Variants in CNTNAP5 observed in about 807,000 individuals in gnomAD.
The protein encoded by CNTNAP5 is contactin associated protein family member 5.
In CNTNAP5, 72 loss-of-function variants were observed where a neutral mutation model predicts 150.2. The observed-to-expected ratio is 0.48, with a 90% confidence interval of 0.40 to 0.58. The LOEUF (loss-of-function observed/expected upper bound fraction) is 0.58. Among genes scored for constraint, CNTNAP5 ranks in the 20% least tolerant of loss-of-function variants. The pLI, the probability that CNTNAP5 is intolerant of heterozygous loss-of-function variation, is 0.00. For missense variants in CNTNAP5, 1,636 were observed against 1,626.2 expected (o/e 1.01, Z -0.10); for synonymous variants, 672 against 619.8 (o/e 1.08, Z -1.25).
chr2:124,891,969 T>C (rs1678204204), intron 21 of CNTNAP5, among the ~76,000 whole-genome samples: 1 of 152,084 alleles, frequency 6.6e-6, no homozygotes, highest in Non-Finnish European at 1.5e-5. Context: ...TTCTTCTCCC[T>C]GGAACATAGG....
intron 1 of CNTNAP5, among the ~76,000 whole-genome samples, chr2:124,125,189 G>T (rs1683659517): frequency 6.6e-6 from 1 of 152,030 alleles, no homozygotes; most frequent in Admixed American, 6.6e-5. Flanking sequence ...AGAGGCACAT[G>T]TAGGCTCAAA....
chr2:124,598,702 C>G (rs1573486509), intron 11 of CNTNAP5, among the ~76,000 whole-genome samples: 1 of 151,766 alleles, frequency 6.6e-6, no homozygotes, highest in Non-Finnish European at 1.5e-5. Flanking sequence ...GCTTTGTTTA[C>G]CTAATCAAGC....
chr2:124,663,771 G>A (rs1169545091), intron 13 of CNTNAP5, among the ~76,000 whole-genome samples: 1 of 152,088 alleles, frequency 6.6e-6, no homozygotes, highest in African/African-American at 2.4e-5. Context: ...CATACATTAT[G>A]ATGCTGAAAA....
chr2:124,209,582 T>A (rs1162721733), intron 1 of CNTNAP5, among the ~76,000 whole-genome samples: 1 of 152,174 alleles, frequency 6.6e-6, no homozygotes, highest in African/African-American at 2.4e-5. Flanking sequence ...CTATTCCGAT[T>A]TCTTAGTCTT....
intron 19 of CNTNAP5, among the ~76,000 whole-genome samples, chr2:124,863,642 C>T (rs1464906258): frequency 6.6e-6 from 1 of 152,068 alleles, no homozygotes; most frequent in South Asian, 2.1e-4. Context: ...CTATGAGTAG[C>T]AACTTATATT....
At chr2:124,681,109 A>C (rs55960516) in intron 13 of CNTNAP5, among the ~76,000 whole-genome samples, 39,839 of 150,550 alleles carry the variant, frequency 0.26, 6,145 homozygotes, top group Non-Finnish European at 0.34. Context: ...ACATAGTGAA[A>C]CCTCATCTCT....
chr2:124,716,193 T>C (rs905716597), intron 13 of CNTNAP5, among the ~76,000 whole-genome samples: 11 of 152,130 alleles, frequency 7.2e-5, no homozygotes, highest in African/African-American at 2.7e-4. Flanking sequence ...AAATGATTCG[T>C]GCAAAGTAAA....
At chr2:124,909,316 G>A (rs1292341336) in intron 22 of CNTNAP5, among the ~76,000 whole-genome samples, 1 of 152,162 alleles carries the variant, frequency 6.6e-6, no homozygotes, top group African/African-American at 2.4e-5. Context: ...ATTCACTACA[G>A]CAACATGCTA....
intron 1 of CNTNAP5, among the ~76,000 whole-genome samples, chr2:124,188,538 A>G (rs989700482): frequency 6.6e-6 from 1 of 151,782 alleles, no homozygotes; most frequent in Non-Finnish European, 1.5e-5. Flanking sequence ...GTGAACATGG[A>G]GAAACCCCGT....
chr2:124,593,055 A>G (rs992739559), intron 11 of CNTNAP5, among the ~76,000 whole-genome samples: 1 of 151,458 alleles, frequency 6.6e-6, no homozygotes, highest in Non-Finnish European at 1.5e-5. Flanking sequence ...TAATTTACAT[A>G]GAAATTCAGC....
chr2:124,753,616 G>T (rs1338054635), intron 14 of CNTNAP5, among the ~76,000 whole-genome samples: 1 of 152,204 alleles, frequency 6.6e-6, no homozygotes, highest in South Asian at 2.1e-4. Context: ...TATATTCCAG[G>T]TTTATTCATG....
chr2:124,724,478 G>A (rs987154285), intron 13 of CNTNAP5, among the ~76,000 whole-genome samples: 31 of 152,070 alleles, frequency 2.0e-4, no homozygotes, highest in African/African-American at 7.5e-4. Context: ...AAGATACCAA[G>A]TTAAAGATAA....
At chr2:124,470,828 T>A (rs1234144239) in intron 6 of CNTNAP5, among the ~76,000 whole-genome samples, 1 of 152,038 alleles carries the variant, frequency 6.6e-6, no homozygotes, top group East Asian at 1.9e-4. Context: ...ATAGGGAATC[T>A]TTTTCCCATT....
intron 1 of CNTNAP5, among the ~76,000 whole-genome samples, chr2:124,102,643 G>C (rs1002483927): frequency 1.3e-5 from 2 of 152,094 alleles, no homozygotes; most frequent in African/African-American, 4.8e-5. Flanking sequence ...AATAAGCCCC[G>C]TGCTCCAGTT....
intron 3 of CNTNAP5, among the ~76,000 whole-genome samples, chr2:124,392,802 C>T (rs1197154173): frequency 7.7e-6 from 1 of 129,140 alleles, no homozygotes; most frequent in Admixed American, 7.7e-5. Flanking sequence ...AACACAAAAA[C>T]AAGCTTTGGT....
chr2:124,351,216 C>A (rs576007280), intron 3 of CNTNAP5, among the ~76,000 whole-genome samples: 1 of 152,302 alleles, frequency 6.6e-6, no homozygotes, highest in Non-Finnish European at 1.5e-5. Flanking sequence ...TCTTTGCATT[C>A]TTTAACACTT....
At chr2:124,336,391 T>C (rs953234616) in intron 3 of CNTNAP5, among the ~76,000 whole-genome samples, 71 of 152,144 alleles carry the variant, frequency 4.7e-4, no homozygotes, top group Non-Finnish European at 1.3e-4. Context: ...TTTTTCATTA[T>C]ACTTTAAGTT....
At chr2:124,881,245 A>G (rs1245113831) in intron 21 of CNTNAP5, among the ~76,000 whole-genome samples, 2 of 152,122 alleles carry the variant, frequency 1.3e-5, no homozygotes, top group African/African-American at 4.8e-5. Context: ...TATGCAGGCT[A>G]TGCTAATGCC....
At chr2:124,366,452 C>G (rs114470681) in intron 3 of CNTNAP5, among the ~76,000 whole-genome samples, 6,765 of 152,114 alleles carry the variant, frequency 0.044, 213 homozygotes, top group Non-Finnish European at 0.07. Context: ...ATTCCTAGCC[C>G]AAGACTAGCA....
Sources: gnomAD v4.1 joint callset for allele counts (sites outside exome capture counted in the v4.1 genomes callset) on GRCh38, gnomAD v4.1.1 for gene constraint, MANE v1.5 for transcripts, NCBI Gene and HGNC (gene_info 2026-07-23, HGNC 2026-07-21) for gene names.